SPON1: variants seen among roughly 807,000 people sequenced by gnomAD.
The protein encoded by SPON1 is spondin 1.
Under a neutral mutation model 111.7 loss-of-function variants are expected in SPON1, and 52 were observed. The ratio of observed to expected loss-of-function variants is 0.47; its 90% CI spans 0.37 to 0.59. The LOEUF (loss-of-function observed/expected upper bound fraction) is 0.59. SPON1 is among the 20% of genes least tolerant of loss of function. The pLI is 0.00. For synonymous variants in SPON1, 410 were observed against 395.8 expected, an observed-to-expected ratio of 1.04 and a Z score of -0.43; for missense variants, 957 against 1,068.5, an observed-to-expected ratio of 0.90 and a Z score of 1.46.
rs781884881 is a variant in SPON1, at chr11:14,243,318, G to A, written c.826-14G>A. 1.8e-5 allele frequency: 29 copies of A among 1,572,820 alleles called. No homozygotes were observed. The highest frequency in any genetic ancestry group is 2.5e-5 in the Non-Finnish European group (29 of 1,158,288). ...CAGCTCTGTTCACTAAATATTTGTGGTCCTTTTTTGCAGAGTGATGAGGTC... is the reference window on the plus strand; with the variant it reads ...CAGCTCTGTTCACTAAATATTTGTGATCCTTTTTTGCAGAGTGATGAGGTC... On this transcript the variant is annotated splice_polypyrimidine_tract_variant and intron_variant, in intron 6 of 15. Coordinates refer to ENST00000576479, the MANE Select transcript of SPON1 (RefSeq NM_006108.4).
rs916825220 is a variant in SPON1, at chr11:14,119,744, C to T, written c.677-15676C>T. 3.3e-5 allele frequency among the ~76,000 whole-genome samples: 5 copies of T among 152,098 alleles called. No homozygotes were observed. The South Asian group carries it at 6.2e-4, about 19-fold the overall frequency. ...GTGATACACAATTGTGAGAGTCCCC[C>T]GTCGTCAGTAGAGTCTTTCCTCTCC... On this transcript the variant is annotated intron_variant, in intron 5 of 15. Coordinates refer to ENST00000576479, the MANE Select transcript of SPON1 (RefSeq NM_006108.4).
chr11:14,089,590 C>T (rs1554923054), intron 5 of SPON1, among the ~76,000 whole-genome samples: 1 of 152,198 alleles, frequency 6.6e-6, no homozygotes, highest in East Asian at 1.9e-4. Context: ...GGAGGTCTCT[C>T]CCCGTCAGGA....
At chr11:14,001,346 A>G (rs1485694135) in intron 2 of SPON1, among the ~76,000 whole-genome samples, 1 of 152,192 alleles carries the variant, frequency 6.6e-6, no homozygotes, top group Non-Finnish European at 1.5e-5. Context: ...TGAAAATCAG[A>G]GAAATCTCCT....
intron 6 of SPON1, among the ~76,000 whole-genome samples, chr11:14,215,043 A>ATGTTTT (rs1848612634): frequency 6.6e-6 from 1 of 151,812 alleles, no homozygotes; most frequent in Non-Finnish European, 1.5e-5. Flanking sequence ...TGCCTTTTTT[A>ATGTTTT]TGTTTTTGTT....
chr11:14,159,846 T>C (rs1445554752), intron 6 of SPON1, among the ~76,000 whole-genome samples: 1 of 129,054 alleles, frequency 7.7e-6, no homozygotes, highest in African/African-American at 2.9e-5. Context: ...ACAATTGAAC[T>C]CCTGGACTTA....
At chr11:14,251,917 T>C (rs1414662870) in intron 7 of SPON1, among the ~76,000 whole-genome samples, 1 of 152,244 alleles carries the variant, frequency 6.6e-6, no homozygotes, top group Non-Finnish European at 1.5e-5. Context: ...TTAAATCCCC[T>C]GATTTGTGCC....
chr11:14,189,737 T>C (rs1313326118), intron 6 of SPON1, among the ~76,000 whole-genome samples: 1 of 152,234 alleles, frequency 6.6e-6, no homozygotes, highest in Non-Finnish European at 1.5e-5. Context: ...AAAAGATAGA[T>C]TTTGATGTCA....
rs1158178626 is a variant in SPON1 at position 14,267,242 on chromosome 11, GA to G, written c.*1557del. The G allele has an allele frequency of 1.3e-5, 2 of 152,142 alleles. No homozygotes were observed. The highest frequency in any genetic ancestry group is 2.9e-5 in the Non-Finnish European group (2 of 68,016). 9.4% of individuals were successfully genotyped at this position (152,142 alleles called of 1,614,324 possible). ...TGTCTTTAAGCTAAGTAAGTGTTCAGAAGGTTCTTTTTTATATTGTCCTCCA... is the reference window on the plus strand; with the variant it reads ...TGTCTTTAAGCTAAGTAAGTGTTCAGAGGTTCTTTTTTATATTGTCCTCCA... On this transcript the variant is annotated 3_prime_UTR_variant, in exon 16 of 16. Coordinates refer to ENST00000576479, the MANE Select transcript of SPON1 (RefSeq NM_006108.4).
intron 2 of SPON1, among the ~76,000 whole-genome samples, chr11:13,997,348 T>C (rs1554911918): frequency 6.6e-6 from 1 of 152,240 alleles, no homozygotes; most frequent in African/African-American, 2.4e-5. Flanking sequence ...CATTAGATCA[T>C]TGGACTAGGA....
intron 6 of SPON1, among the ~76,000 whole-genome samples, chr11:14,221,838 C>G (rs189390790): frequency 1.9e-3 from 296 of 152,296 alleles, no homozygotes; most frequent in Non-Finnish European, 2.2e-3. Flanking sequence ...CTCATTAGAA[C>G]CGTGATCCTG....
chr11:14,231,688 T>C (rs1564936545), intron 6 of SPON1, among the ~76,000 whole-genome samples: 2 of 152,170 alleles, frequency 1.3e-5, no homozygotes, highest in Non-Finnish European at 2.9e-5. Flanking sequence ...ATTACACAAA[T>C]AGATTACTAT....
chr11:14,157,932 G>A (rs1847868089), intron 6 of SPON1, among the ~76,000 whole-genome samples: 1 of 151,902 alleles, frequency 6.6e-6, no homozygotes. Flanking sequence ...ATTAATTATA[G>A]TTTTTAAGTC....
At chr11:14,182,174 A>T (rs782348196) in intron 6 of SPON1, among the ~76,000 whole-genome samples, 1 of 152,190 alleles carries the variant, frequency 6.6e-6, no homozygotes, top group Non-Finnish European at 1.5e-5. Context: ...ATACCCCTTG[A>T]TACCTGTCCC....
chr11:14,209,893 C>A (rs1331522424), intron 6 of SPON1, among the ~76,000 whole-genome samples: 1 of 152,174 alleles, frequency 6.6e-6, no homozygotes, highest in African/African-American at 2.4e-5. Flanking sequence ...TAAAAGCATT[C>A]CTATTTCTCC....
intron 15 of SPON1, among the ~76,000 whole-genome samples, chr11:14,265,003 A>T (rs1849246970): frequency 6.6e-6 from 1 of 152,188 alleles, no homozygotes; most frequent in African/African-American, 2.4e-5. Context: ...ACTTAGCAAG[A>T]TTCTGTGGAT....
At chr11:14,031,312 T>G (rs1320480673) in intron 2 of SPON1, among the ~76,000 whole-genome samples, 8 of 152,136 alleles carry the variant, frequency 5.3e-5, no homozygotes, top group Non-Finnish European at 1.0e-4. Flanking sequence ...CACCCTGAAG[T>G]TGAAATTATA....
At chr11:14,078,497 A>G (rs61883774) in intron 4 of SPON1, among the ~76,000 whole-genome samples, 1 of 152,186 alleles carries the variant, frequency 6.6e-6, no homozygotes, top group Non-Finnish European at 1.5e-5. Flanking sequence ...TGAAAAAAGC[A>G]ATACAGAAAC....
intron 5 of SPON1, among the ~76,000 whole-genome samples, chr11:14,134,750 C>G (rs1309944666): frequency 1.3e-5 from 2 of 152,226 alleles, no homozygotes; most frequent in African/African-American, 4.8e-5. Context: ...GATGATTTAT[C>G]TAAAATTCAA....
At chr11:14,005,246 C>T (rs1848350209) in intron 2 of SPON1, among the ~76,000 whole-genome samples, 1 of 152,144 alleles carries the variant, frequency 6.6e-6, no homozygotes, top group African/African-American at 2.4e-5. Flanking sequence ...TGCCCTGTGT[C>T]CTCTGGGATG....
Sources: gnomAD v4.1 joint callset for allele counts (sites outside exome capture counted in the v4.1 genomes callset) on GRCh38, gnomAD v4.1.1 for gene constraint, MANE v1.5 for transcripts, NCBI Gene and HGNC (gene_info 2026-07-23, HGNC 2026-07-21) for gene names.